KCNIP4: variants seen among roughly 807,000 people sequenced by gnomAD.
KCNIP4 encodes potassium voltage-gated channel interacting protein 4, also known as Kv channel-interacting protein 4.
Under a neutral mutation model 34.0 loss-of-function variants are expected in KCNIP4, and 12 were observed. That is an observed-to-expected ratio of 0.35 (90% CI 0.23 to 0.57). KCNIP4 has a LOEUF of 0.57. Among genes scored for constraint, KCNIP4 ranks in the 20% least tolerant of loss-of-function variants. The probability of loss-of-function intolerance (pLI) is 0.83; values close to 1 mark genes in which losing one functional copy is unlikely to be tolerated. For missense variants in KCNIP4, 238 were observed against 311.7 expected, an observed-to-expected ratio of 0.76 and a Z score of 1.78; for synonymous variants, 124 against 102.2, an observed-to-expected ratio of 1.21 and a Z score of -1.29.
At chr4:21,370,848 T>TAC (rs1560338086) in intron 1 of KCNIP4, among the ~76,000 whole-genome samples, 7 of 21,444 alleles carry the variant, frequency 3.3e-4, no homozygotes, top group East Asian at 3.9e-3. Context: ...TATATATATA[T>TAC]ATACACACAC....
chr4:20,739,293 C>A (rs1275791451), intron 5 of KCNIP4, among the ~76,000 whole-genome samples: 15 of 152,192 alleles, frequency 9.9e-5, no homozygotes, highest in Non-Finnish European at 2.2e-4. Flanking sequence ...TCAAGTGGGT[C>A]CCTGACCCCC....
intron 1 of KCNIP4, among the ~76,000 whole-genome samples, chr4:21,313,758 A>G (rs1305275282): frequency 6.6e-6 from 1 of 152,206 alleles, no homozygotes; most frequent in African/African-American, 2.4e-5. Flanking sequence ...GAGCAGACTA[A>G]AACTCTCTTG....
chr4:21,071,874 T>C (rs1444396879), intron 1 of KCNIP4, among the ~76,000 whole-genome samples: 2 of 152,170 alleles, frequency 1.3e-5, no homozygotes, highest in African/African-American at 4.8e-5. Flanking sequence ...TTCCCATCTA[T>C]GAGTGACAAC....
chr4:21,410,931 C>T (rs571649236), intron 1 of KCNIP4, among the ~76,000 whole-genome samples: 1 of 151,948 alleles, frequency 6.6e-6, no homozygotes, highest in Non-Finnish European at 1.5e-5. Flanking sequence ...ATTGGATGGC[C>T]CACAGACAGA....
chr4:20,883,567 A>G (rs1724956556), intron 1 of KCNIP4, among the ~76,000 whole-genome samples: 1 of 152,194 alleles, frequency 6.6e-6, no homozygotes, highest in Non-Finnish European at 1.5e-5. Flanking sequence ...TGTCATGTTA[A>G]TAGGTAACTA....
chr4:21,775,651 G>A (rs923566498), intron 1 of KCNIP4, among the ~76,000 whole-genome samples: 8 of 152,144 alleles, frequency 5.3e-5, no homozygotes, highest in African/African-American at 1.9e-4. Flanking sequence ...CTGTCCCTGA[G>A]CCTCTGGCTG....
At chr4:20,819,924 A>C (rs1490916901) in intron 3 of KCNIP4, among the ~76,000 whole-genome samples, 2 of 152,188 alleles carry the variant, frequency 1.3e-5, no homozygotes, top group Non-Finnish European at 2.9e-5. Flanking sequence ...GTGATAAATA[A>C]ATTTCTATTA....
intron 1 of KCNIP4, among the ~76,000 whole-genome samples, chr4:20,892,813 A>G (rs901365226): frequency 3.3e-5 from 5 of 152,232 alleles, no homozygotes; most frequent in Non-Finnish European, 4.4e-5. Flanking sequence ...AGAACTAGCC[A>G]GAGAATACTA....
At chr4:21,020,945 C>A (rs191908427) in intron 1 of KCNIP4, among the ~76,000 whole-genome samples, 2 of 152,140 alleles carry the variant, frequency 1.3e-5, no homozygotes, top group African/African-American at 4.8e-5. Context: ...CTTTTAAATG[C>A]AGTCATGCTT....
At chr4:21,278,151 G>C (rs1762549990) in intron 1 of KCNIP4, among the ~76,000 whole-genome samples, 1 of 152,062 alleles carries the variant, frequency 6.6e-6, no homozygotes, top group Non-Finnish European at 1.5e-5. Context: ...TGAGAGAGCA[G>C]CAAATCAGAA....
intron 1 of KCNIP4, among the ~76,000 whole-genome samples, chr4:21,842,573 G>A (rs993798541): frequency 5.3e-5 from 8 of 151,848 alleles, no homozygotes; most frequent in Non-Finnish European, 1.2e-4. Flanking sequence ...ATACTTTTAC[G>A]CATTTTATGT....
chr4:21,318,525 A>G (rs895461489), intron 1 of KCNIP4, among the ~76,000 whole-genome samples: 11 of 152,126 alleles, frequency 7.2e-5, no homozygotes, highest in African/African-American at 2.7e-4. Flanking sequence ...ATTTTTCTAT[A>G]TATTTTATCA....
intron 1 of KCNIP4, among the ~76,000 whole-genome samples, chr4:21,436,145 T>C (rs746856623): frequency 2.6e-5 from 4 of 152,206 alleles, no homozygotes; most frequent in Non-Finnish European, 5.9e-5. Context: ...TGATGTCTAA[T>C]CCAAGTTCTG....
intron 1 of KCNIP4, among the ~76,000 whole-genome samples, chr4:21,142,275 T>C (rs1461869869): frequency 6.6e-6 from 1 of 152,150 alleles, no homozygotes; most frequent in Non-Finnish European, 1.5e-5. Context: ...AGCTTCTGTA[T>C]TATTTGTTCG....
intron 3 of KCNIP4, among the ~76,000 whole-genome samples, chr4:20,773,662 C>CT (rs1343638217): frequency 2.0e-5 from 3 of 152,134 alleles, no homozygotes; most frequent in Non-Finnish European, 4.4e-5. Context: ...AGGGATTGTT[C>CT]TTTTCCTAAG....
intron 1 of KCNIP4, among the ~76,000 whole-genome samples, chr4:21,172,989 C>T (rs1055746238): frequency 2.0e-5 from 3 of 152,156 alleles, no homozygotes; most frequent in South Asian, 2.1e-4. Context: ...CACTACAGCT[C>T]GTATGGCTAA....
At chr4:21,790,280 A>G (rs1325224034) in intron 1 of KCNIP4, among the ~76,000 whole-genome samples, 1 of 152,238 alleles carries the variant, frequency 6.6e-6, no homozygotes, top group South Asian at 2.1e-4. Context: ...AGTGTGTTCA[A>G]TCCTTAAAAC....
intron 1 of KCNIP4, among the ~76,000 whole-genome samples, chr4:21,353,461 A>C (rs1718232836): frequency 6.6e-6 from 1 of 152,214 alleles, no homozygotes. Context: ...AAATGATGTG[A>C]TGGAGCTGAA....
intron 1 of KCNIP4, among the ~76,000 whole-genome samples, chr4:21,547,738 T>C (rs1738254764): frequency 6.6e-6 from 1 of 152,146 alleles, no homozygotes; most frequent in African/African-American, 2.4e-5. Context: ...ATTTCAGATT[T>C]TTTTTGGATT....
Sources: gnomAD v4.1 joint callset for allele counts (sites outside exome capture counted in the v4.1 genomes callset) on GRCh38, gnomAD v4.1.1 for gene constraint, MANE v1.5 for transcripts, NCBI Gene and HGNC (gene_info 2026-07-23, HGNC 2026-07-21) for gene names.